MTMR7: variants seen among roughly 807,000 people sequenced by gnomAD.
MTMR7 encodes the protein phosphatidylinositol-3-phosphate phosphatase MTMR7.
A neutral mutation model predicts 81.2 loss-of-function variants in MTMR7; 76 were observed. The ratio of observed to expected loss-of-function variants is 0.94; its 90% CI spans 0.78 to 1.13. MTMR7 has a LOEUF of 1.13. MTMR7 is among the 50% of genes most tolerant of loss of function. MTMR7 has a pLI of 0.00. For synonymous variants in MTMR7, 372 were observed against 289.8 expected, an observed-to-expected ratio of 1.28 and a Z score of -2.88; for missense variants, 1,044 against 820.0, an observed-to-expected ratio of 1.27 and a Z score of -3.34.
intron 1 of MTMR7, among the ~76,000 whole-genome samples, chr8:17,390,613 G>A (rs981631859): frequency 6.6e-6 from 1 of 151,940 alleles, no homozygotes; most frequent in African/African-American, 2.4e-5. Context: ...CTGCTATAAA[G>A]ATAGTACCCA....
chr8:17,344,437 C>G (rs948756314), intron 5 of MTMR7, among the ~76,000 whole-genome samples: 1 of 152,066 alleles, frequency 6.6e-6, no homozygotes, highest in African/African-American at 2.4e-5. Flanking sequence ...CATGGTGAAA[C>G]CTGTCTCTAC....
At position 17,318,150 on chromosome 8, in the gene MTMR7, C is replaced by G. The variant is rs1402366665; in HGVS notation, c.866-4749G>C. ...CTGCATGAGGAAAACAAAAATCTCT[C>G]CTGAGATGCTGAAACCCTGGGCCTA... On this transcript the variant is annotated intron_variant, in intron 7 of 13. Coordinates refer to ENST00000180173, the MANE Select transcript of MTMR7 (RefSeq NM_004686.5). 4.6e-5 allele frequency among the ~76,000 whole-genome samples: 7 copies of G among 152,278 alleles called. No individual in the cohort carries two copies. In the South Asian group the frequency reaches 1.0e-3, roughly 23 times the overall value.
intron 1 of MTMR7, among the ~76,000 whole-genome samples, chr8:17,373,927 T>G (rs1820495684): frequency 6.6e-6 from 1 of 152,180 alleles, no homozygotes; most frequent in South Asian, 2.1e-4. Context: ...TGCACTGAGA[T>G]CATCCTAACA....
intron 6 of MTMR7, among the ~76,000 whole-genome samples, chr8:17,336,229 C>T (rs1197054078): frequency 6.6e-6 from 1 of 152,042 alleles, no homozygotes; most frequent in Non-Finnish European, 1.5e-5. Flanking sequence ...ACCAGCACAC[C>T]CACCCCAGTC....
In MTMR7 at chr8:17,361,109, G is replaced by A. The variant is rs370824052; in HGVS notation, c.468+8C>T. 3.4e-5 allele frequency: 55 copies of A among 1,613,864 alleles called. No individual in the cohort carries two copies. In the African/African-American group the frequency reaches 5.1e-4, roughly 15 times the overall value. On this transcript the variant is annotated splice_region_variant and intron_variant, in intron 4 of 13. Coordinates refer to ENST00000180173, the MANE Select transcript of MTMR7 (RefSeq NM_004686.5). ...TGCGGCTTCAGTGTTTGGGTTTCAC[G>A]CACTCACTCTGTAGTCTCTATTCAC... is the stretch of plus-strand genomic sequence containing the variant.
chr8:17,341,501 G>C lies in MTMR7; in HGVS notation c.598-4C>G. ...GGCTGCTCCGGCAGATGGAGGCCTA[G>C]GGGGAGAGGTCACAGCAACACAGCA... On this transcript the variant is annotated splice_polypyrimidine_tract_variant and splice_region_variant and intron_variant, in intron 5 of 13. Coordinates refer to ENST00000180173, the MANE Select transcript of MTMR7 (RefSeq NM_004686.5). 6.2e-7 allele frequency: 1 copy of C among 1,613,182 alleles called. No individual in the cohort carries two copies. The highest frequency in any genetic ancestry group is 2.2e-5 in the East Asian group (1 of 44,870).
chr8:17,401,417 G>A (rs1585124349), intron 1 of MTMR7, among the ~76,000 whole-genome samples: 1 of 152,154 alleles, frequency 6.6e-6, no homozygotes, highest in East Asian at 1.9e-4. Context: ...AGGGAGTGGG[G>A]TAGTTGTGGG....
intron 7 of MTMR7, among the ~76,000 whole-genome samples, chr8:17,316,954 T>G (rs907533272): frequency 6.6e-6 from 1 of 152,208 alleles, no homozygotes; most frequent in African/African-American, 2.4e-5. Flanking sequence ...CAGTGGTTTA[T>G]GCTCTCACCA....
At chr8:17,356,818 ACCAGCGAATAT>A (rs1819904260) in intron 4 of MTMR7, among the ~76,000 whole-genome samples, 1 of 152,226 alleles carries the variant, frequency 6.6e-6, no homozygotes, top group Admixed American at 6.5e-5. Context: ...AAAGAAGAAT[ACCAGCGAATAT>A]CACATCAATA....
At chr8:17,373,030 C>G in intron 2 of MTMR7, 88 bp downstream of exon 2, 1 of 1,524,880 alleles carries the variant, frequency 6.6e-7, no homozygotes, top group Non-Finnish European at 8.9e-7. Flanking sequence ...GCCCACCCAT[C>G]TCACCCTGAG....
At chr8:17,341,020 G>C (rs1248368162) in intron 6 of MTMR7, among the ~76,000 whole-genome samples, 1 of 152,216 alleles carries the variant, frequency 6.6e-6, no homozygotes, top group African/African-American at 2.4e-5. Context: ...GAATTTTATT[G>C]TCAGAGCAGA....
At chr8:17,377,107 T>C (rs1820613869) in intron 1 of MTMR7, among the ~76,000 whole-genome samples, 2 of 152,108 alleles carry the variant, frequency 1.3e-5, no homozygotes, top group Non-Finnish European at 2.9e-5. Flanking sequence ...CCTAGCCTAT[T>C]CATGCTGCTG....
intron 5 of MTMR7, among the ~76,000 whole-genome samples, chr8:17,343,549 G>T (rs1325630649): frequency 6.6e-6 from 1 of 152,116 alleles, no homozygotes; most frequent in African/African-American, 2.4e-5. Flanking sequence ...ACACACACCA[G>T]ACCTCACTAA....
chr8:17,413,186 T>C, intron 1 of MTMR7, 83 bp downstream of exon 1: 1 of 1,473,200 alleles, frequency 6.8e-7, no homozygotes, highest in South Asian at 1.2e-5. Context: ...CTCAAAGCAG[T>C]CGGCCTCCCG....
At chr8:17,356,915 T>C (rs1390641186) in intron 4 of MTMR7, among the ~76,000 whole-genome samples, 5 of 152,176 alleles carry the variant, frequency 3.3e-5, no homozygotes, top group Admixed American at 3.3e-4. Flanking sequence ...GCAAACACTT[T>C]AGAAAAGAAT....
chr8:17,337,289 C>T (rs1819270339), intron 6 of MTMR7, among the ~76,000 whole-genome samples: 1 of 148,412 alleles, frequency 6.7e-6, no homozygotes, highest in East Asian at 2.0e-4. Flanking sequence ...CACTTGAACC[C>T]GGGAGATGGA....
At chr8:17,372,975 C>T (rs1820465456) in intron 2 of MTMR7, 143 bp downstream of exon 2, 2 of 983,352 alleles carry the variant, frequency 2.0e-6, no homozygotes, top group Non-Finnish European at 2.9e-6. Context: ...AGAAAAAGTC[C>T]AAACACACAT....
At chr8:17,406,162 A>G (rs1402747236) in intron 1 of MTMR7, among the ~76,000 whole-genome samples, 2 of 152,234 alleles carry the variant, frequency 1.3e-5, no homozygotes, top group Non-Finnish European at 2.9e-5. Context: ...GGACTTCATC[A>G]AAATTCAAAA....
intron 1 of MTMR7, among the ~76,000 whole-genome samples, chr8:17,410,523 G>A (rs1821708556): frequency 6.6e-6 from 1 of 151,316 alleles, no homozygotes; most frequent in Admixed American, 6.6e-5. Flanking sequence ...TCACTGGGAT[G>A]AGTACAGGTA....
Sources: allele counts gnomAD v4.1 joint callset (sites outside exome capture counted in the v4.1 genomes callset), GRCh38; gene constraint gnomAD v4.1.1; transcripts MANE v1.5; gene names NCBI Gene and HGNC (gene_info 2026-07-23, HGNC 2026-07-21).